The following DEPDC1B variants were observed in gnomAD, a reference collection of about 807,000 sequenced individuals.
DEPDC1B encodes the protein DEP domain-containing protein 1B.
Under a neutral mutation model 66.5 loss-of-function variants are expected in DEPDC1B, and 51 were observed. The ratio of observed to expected loss-of-function variants is 0.77; its 90% CI spans 0.61 to 0.97. The LOEUF (loss-of-function observed/expected upper bound fraction) is 0.97, where lower values mean the gene tolerates loss of function less well. Ranked by LOEUF, DEPDC1B falls within the 50% of genes least tolerant of loss-of-function variation. DEPDC1B has a pLI of 0.00. For synonymous variants in DEPDC1B, 226 were observed against 223.6 expected, an observed-to-expected ratio of 1.01 and a Z score of -0.10; for missense variants, 552 against 637.1, an observed-to-expected ratio of 0.87 and a Z score of 1.44.
At chr5:60,615,523 C>G (rs1362861974) in intron 7 of DEPDC1B, among the ~76,000 whole-genome samples, 2 of 152,216 alleles carry the variant, frequency 1.3e-5, no homozygotes, top group Non-Finnish European at 2.9e-5. Context: ...TCGGAGGGTC[C>G]TACGCCCACG....
At chr5:60,666,738 G>C (rs964124619) in intron 2 of DEPDC1B, among the ~76,000 whole-genome samples, 2 of 152,100 alleles carry the variant, frequency 1.3e-5, no homozygotes, top group South Asian at 4.1e-4. Flanking sequence ...GTTTTGTGTT[G>C]GTTGGCCTCC....
chr5:60,653,036 A>G (rs1753491947), intron 2 of DEPDC1B, among the ~76,000 whole-genome samples: 1 of 148,968 alleles, frequency 6.7e-6, no homozygotes, highest in Admixed American at 6.6e-5. Context: ...CTGGTTCCAT[A>G]TTTTTGCAAC....
intron 7 of DEPDC1B, among the ~76,000 whole-genome samples, chr5:60,624,126 A>G (rs981606589): frequency 1.3e-5 from 2 of 152,062 alleles, no homozygotes; most frequent in African/African-American, 4.8e-5. Context: ...GTTATCCATA[A>G]TTTTCTCACA....
At chr5:60,606,270 C>T (rs1752307247) in intron 7 of DEPDC1B, among the ~76,000 whole-genome samples, 4 of 152,156 alleles carry the variant, frequency 2.6e-5, no homozygotes, top group Admixed American at 2.6e-4. Flanking sequence ...TCATTATCAG[C>T]AGGCTCACCA....
intron 2 of DEPDC1B, among the ~76,000 whole-genome samples, chr5:60,664,617 A>T (rs1753796383): frequency 6.6e-6 from 1 of 152,148 alleles, no homozygotes; most frequent in Non-Finnish European, 1.5e-5. Flanking sequence ...CCCTTGGCTG[A>T]TCCCGACCTC....
chr5:60,669,719 C>A (rs1036694131), intron 2 of DEPDC1B, among the ~76,000 whole-genome samples: 1 of 152,108 alleles, frequency 6.6e-6, no homozygotes, highest in Non-Finnish European at 1.5e-5. Context: ...GCTTTAAAAT[C>A]CAAACTCAGA....
chr5:60,629,797 T>A (rs1752884414), intron 7 of DEPDC1B, among the ~76,000 whole-genome samples: 1 of 152,216 alleles, frequency 6.6e-6, no homozygotes. Flanking sequence ...TAATCCCCCA[T>A]AATTTTGTCC....
chr5:60,599,152 G>T lies in DEPDC1B; in HGVS notation c.1351C>A (p.Pro451Thr), dbSNP rs1208123259. Residue 451 changes from proline to threonine, a missense_variant, in exon 10 of 11, where the codon CCT becomes ACT. Physicochemically the swap from Pro to Thr is conservative, Grantham distance 38. Coordinates refer to ENST00000265036, the MANE Select transcript of DEPDC1B (RefSeq NM_018369.3). The stretch of plus-strand genomic sequence containing the variant: ...ACTTCCTCCAACAAGGCTGCCAGAG[G>T]TTCCTGAGAGCCATATGATCTTTGA... ...EYQRSYGSQE[P>T]LAALLEEVIT... The T allele has an allele frequency of 6.2e-7, 1 of 1,613,422 alleles. No homozygotes were observed. Among genetic ancestry groups the T allele is most frequent in the Admixed American group, 1.7e-5 (1 of 59,942 alleles).
intron 7 of DEPDC1B, among the ~76,000 whole-genome samples, chr5:60,621,983 T>G (rs928623015): frequency 6.6e-6 from 1 of 152,000 alleles, no homozygotes; most frequent in African/African-American, 2.4e-5. Flanking sequence ...TGAGTTATAT[T>G]AAATAAAACC....
At chr5:60,678,310 T>C (rs1435075287) in intron 2 of DEPDC1B, among the ~76,000 whole-genome samples, 1 of 152,212 alleles carries the variant, frequency 6.6e-6, no homozygotes, top group Non-Finnish European at 1.5e-5. Flanking sequence ...GTACAATAGT[T>C]ATCCATTCAC....
At chr5:60,679,357 C>T (rs1210732194) in intron 2 of DEPDC1B, among the ~76,000 whole-genome samples, 1 of 152,056 alleles carries the variant, frequency 6.6e-6, no homozygotes, top group African/African-American at 2.4e-5. Context: ...ACATTAAGAA[C>T]TGTGAAAGTA....
At chr5:60,670,153 G>C (rs1323402882) in intron 2 of DEPDC1B, among the ~76,000 whole-genome samples, 1 of 152,216 alleles carries the variant, frequency 6.6e-6, no homozygotes, top group Non-Finnish European at 1.5e-5. Context: ...GGGAAGCCCA[G>C]GCGGGCAGAT....
At chr5:60,631,560 AG>A (rs1752924892) in intron 7 of DEPDC1B, among the ~76,000 whole-genome samples, 1 of 152,220 alleles carries the variant, frequency 6.6e-6, no homozygotes, top group African/African-American at 2.4e-5. Context: ...ATCAACTGCC[AG>A]GGAAAGCAAG....
rs1753272991 is a variant in DEPDC1B at position 60,644,826 on chromosome 5, T to G, written c.628A>C (p.Lys210Gln). ...ATGATGAACTTCGAATTGACAAGTT[T>G]GACGTCTAAAACTTCTTCTAAGGAA... Reference protein sequence around the residue: ...LDSLEEVLDVKLVNSKFIIHN... With the variant: ...LDSLEEVLDVQLVNSKFIIHN... The change falls in exon 5 of 11, where the codon AAA becomes CAA. Residue 210 changes from lysine to glutamine, a missense_variant. Lys to Gln is a moderately conservative substitution (Grantham distance 53). Coordinates refer to ENST00000265036, the MANE Select transcript of DEPDC1B (RefSeq NM_018369.3). The G allele has an allele frequency of 6.2e-7, 1 of 1,611,682 alleles. No homozygotes were observed. Among genetic ancestry groups the G allele is most frequent in the African/African-American group, 1.3e-5 (1 of 74,978 alleles).
At chr5:60,642,945 C>A in intron 5 of DEPDC1B, 86 bp from the exon 6 acceptor site, 1 of 994,952 alleles carries the variant, frequency 1.0e-6, no homozygotes, top group Non-Finnish European at 1.5e-6. Flanking sequence ...GTATTACTTG[C>A]CCAAGTAATA....
At chr5:60,603,842 T>C (rs1453471228) in intron 8 of DEPDC1B, among the ~76,000 whole-genome samples, 1 of 150,970 alleles carries the variant, frequency 6.6e-6, no homozygotes, top group African/African-American at 2.4e-5. Context: ...TATATATATA[T>C]ATATACACAC....
chr5:60,634,832 C>T (rs894691577), intron 7 of DEPDC1B, among the ~76,000 whole-genome samples: 1 of 151,778 alleles, frequency 6.6e-6, no homozygotes. Context: ...TAGGCAGCAA[C>T]AGTCATTATG....
intron 1 of DEPDC1B, among the ~76,000 whole-genome samples, chr5:60,697,843 T>A (rs920415006): frequency 6.6e-6 from 1 of 152,196 alleles, no homozygotes; most frequent in Admixed American, 6.5e-5. Context: ...TATTATTTGT[T>A]AGGGACTGAA....
intron 7 of DEPDC1B, among the ~76,000 whole-genome samples, chr5:60,618,791 G>C (rs1752630561): frequency 6.6e-6 from 1 of 152,174 alleles, no homozygotes. Context: ...CATTTGATGA[G>C]GCCAGCATCA....
Sources: allele counts gnomAD v4.1 joint callset (sites outside exome capture counted in the v4.1 genomes callset), GRCh38; gene constraint gnomAD v4.1.1; transcripts MANE v1.5; gene names NCBI Gene and HGNC (gene_info 2026-07-23, HGNC 2026-07-21).